The following MCC variants were observed in gnomAD, a reference collection of about 807,000 sequenced individuals.
MCC encodes MCC regulator of Wnt signaling pathway.
Under a neutral mutation model 116.2 loss-of-function variants are expected in MCC, and 90 were observed. The observed-to-expected ratio is 0.77, with a 90% CI of 0.65 to 0.92. The LOEUF (loss-of-function observed/expected upper bound fraction) is 0.92. Ranked by LOEUF, MCC falls within the 40% of genes least tolerant of loss-of-function variation. The pLI is 0.00. For missense variants in MCC, 1,516 were observed against 1,312.2 expected (o/e 1.16, Z -2.40); for synonymous variants, 578 against 510.5 (o/e 1.13, Z -1.78).
chr5:113,175,799 G>C (rs76306604), intron 3 of MCC, among the ~76,000 whole-genome samples: 3,362 of 151,788 alleles, frequency 0.022, 131 homozygotes, highest in African/African-American at 0.077. Flanking sequence ...CATCCCTAGA[G>C]TACTTTTCAT....
chr5:113,227,632 A>G (rs777102061), intron 3 of MCC, among the ~76,000 whole-genome samples: 18 of 152,250 alleles, frequency 1.2e-4, no homozygotes, highest in Admixed American at 2.6e-4. Flanking sequence ...ATATGTTTCT[A>G]TAGACAGTAG....
At chr5:113,045,919 G>A (rs1752039946) in intron 16 of MCC, among the ~76,000 whole-genome samples, 1 of 152,148 alleles carries the variant, frequency 6.6e-6, no homozygotes, top group South Asian at 2.1e-4. Context: ...GGCTGCAGCT[G>A]CACCCAAATG....
chr5:113,143,591 T>C (rs1759318198), intron 4 of MCC, among the ~76,000 whole-genome samples: 1 of 152,204 alleles, frequency 6.6e-6, no homozygotes, highest in Non-Finnish European at 1.5e-5. Flanking sequence ...CATCTCTCTT[T>C]GGGAAACAGT....
chr5:113,433,790 A>G (rs759150983), intron 1 of MCC: 1 of 1,613,940 alleles, frequency 6.2e-7, no homozygotes, highest in South Asian at 1.1e-5. Context: ...CTGTCTCCAT[A>G]GTCGACGGCT....
intron 3 of MCC, among the ~76,000 whole-genome samples, chr5:113,275,609 C>T (rs1015399768): frequency 8.5e-5 from 13 of 152,114 alleles, no homozygotes; most frequent in South Asian, 4.1e-4. Context: ...AGCCCGCCCT[C>T]CATTTCCATG....
At chr5:113,262,611 T>C (rs1000636237) in intron 3 of MCC, among the ~76,000 whole-genome samples, 1 of 152,150 alleles carries the variant, frequency 6.6e-6, no homozygotes, top group African/African-American at 2.4e-5. Flanking sequence ...CCTCTTTCTA[T>C]AGAAATAAAG....
At chr5:113,035,284 C>T (rs948241933) in intron 17 of MCC, among the ~76,000 whole-genome samples, 1 of 152,176 alleles carries the variant, frequency 6.6e-6, no homozygotes, top group African/African-American at 2.4e-5. Context: ...ATCTGTTCAA[C>T]AGCAAACTCT....
rs1313212110 is a variant in MCC at position 113,084,133 on chromosome 5, G to T, written c.1603C>A (p.Pro535Thr). 1.2e-6 allele frequency: 2 copies of T among 1,614,118 alleles called. No homozygotes were observed. Among genetic ancestry groups the T allele is most frequent in the Admixed American group, 3.3e-5 (2 of 60,022 alleles). ...CTACTGATTTCTGAGCCCAGGACTG[G>T]CCGATCAGATGATGACGATTCGGAC... ...TRSESSSSDR[P>T]VLGSEISSIG... The change falls in exon 10 of 19, where the codon CCA (proline) becomes ACA (threonine). Residue 535 changes from proline to threonine, a missense_variant. By Grantham distance (38) the Pro-to-Thr change is conservative. Coordinates refer to ENST00000408903, the MANE Select transcript of MCC (RefSeq NM_001085377.2).
chr5:113,148,186 G>A (rs1440259551), intron 4 of MCC, among the ~76,000 whole-genome samples: 3 of 152,242 alleles, frequency 2.0e-5, no homozygotes, highest in African/African-American at 7.2e-5. Context: ...CCACTGGGCT[G>A]TAGAATGTTG....
At position 113,472,089 on chromosome 5, in the gene MCC, T is replaced by A. The variant is rs368844335; in HGVS notation, c.170+16156A>T. On this transcript the variant is annotated intron_variant, in intron 1 of 18. Coordinates refer to ENST00000408903, the MANE Select transcript of MCC (RefSeq NM_001085377.2). ...CCCTTTCTTTGACTAGGAGAGGGAG[T>A]TCCCTGATCCCTTGCATTTCCCGGG... Among the ~76,000 whole-genome samples the A allele has an allele frequency of 3.9e-4, 59 of 152,016 alleles. 3 individuals are homozygous for A. The East Asian group carries it at 0.011, about 29-fold the overall frequency.
intron 1 of MCC, among the ~76,000 whole-genome samples, chr5:113,469,156 G>C (rs1772005193): frequency 6.6e-6 from 1 of 152,036 alleles, no homozygotes; most frequent in Non-Finnish European, 1.5e-5. Flanking sequence ...TTAATTTTTT[G>C]AAGGGTTTTT....
Position 113,022,967 on chromosome 5 carries a change from T to G in MCC, c.*4335A>C, listed in dbSNP as rs1750252605. The G allele has an allele frequency of 6.6e-6, 1 of 152,290 alleles. No individual in the cohort carries two copies. Among genetic ancestry groups the G allele is most frequent in the Non-Finnish European group, 1.5e-5 (1 of 68,014 alleles). The allele number at this position is 152,290 out of a possible 1,614,324, so 9.4% of individuals were successfully genotyped here. On this transcript the variant is annotated 3_prime_UTR_variant, in exon 19 of 19. Transcript: ENST00000408903. ...ACCTTTAAGCAAAAATGTATGGTGA[T>G]CTGCATGTGAAACTGTCTTTCTCTA...
intron 6 of MCC, among the ~76,000 whole-genome samples, chr5:113,105,543 T>A (rs1022518638): frequency 6.6e-6 from 1 of 152,232 alleles, no homozygotes; most frequent in African/African-American, 2.4e-5. Context: ...CCCATCTCCA[T>A]GAATGGCACC....
chr5:113,182,729 C>T (rs1015904217), intron 3 of MCC, among the ~76,000 whole-genome samples: 3 of 152,334 alleles, frequency 2.0e-5, no homozygotes, highest in African/African-American at 4.8e-5. Flanking sequence ...GTCTTCATAC[C>T]TGTTGGTGAA....
At chr5:113,329,676 AC>A (rs1345410245) in intron 3 of MCC, among the ~76,000 whole-genome samples, 1 of 152,132 alleles carries the variant, frequency 6.6e-6, no homozygotes, top group African/African-American at 2.4e-5. Context: ...AAGGTCTCAT[AC>A]TTCATCAAAT....
intron 3 of MCC, among the ~76,000 whole-genome samples, chr5:113,268,119 T>C (rs1207060499): frequency 6.6e-6 from 1 of 152,170 alleles, no homozygotes; most frequent in Non-Finnish European, 1.5e-5. Flanking sequence ...CCTGGGTTAC[T>C]GAAACAACTC....
chr5:113,154,716 T>C (rs1310953279), intron 3 of MCC, among the ~76,000 whole-genome samples: 1 of 152,188 alleles, frequency 6.6e-6, no homozygotes, highest in Non-Finnish European at 1.5e-5. Flanking sequence ...TTGGCAAGCA[T>C]GAAAAAATTA....
intron 17 of MCC, among the ~76,000 whole-genome samples, chr5:113,034,498 C>T (rs960749698): frequency 2.6e-5 from 4 of 152,170 alleles, no homozygotes; most frequent in Admixed American, 1.3e-4. Context: ...AGTCATCGGG[C>T]GAGAGCCCAG....
intron 3 of MCC, among the ~76,000 whole-genome samples, chr5:113,155,483 C>T (rs1445593217): frequency 6.6e-6 from 1 of 152,098 alleles, no homozygotes; most frequent in Non-Finnish European, 1.5e-5. Flanking sequence ...AATGGTTGTC[C>T]TAATTTACAT....
Sources: allele counts gnomAD v4.1 joint callset (sites outside exome capture counted in the v4.1 genomes callset), GRCh38; gene constraint gnomAD v4.1.1; transcripts MANE v1.5; gene names NCBI Gene and HGNC (gene_info 2026-07-23, HGNC 2026-07-21).